The following GLIS3 variants were observed in gnomAD, a reference collection of about 807,000 sequenced individuals.
GLIS3 encodes the protein GLIS family zinc finger 3.
Under a neutral mutation model 78.6 loss-of-function variants are expected in GLIS3, and 53 were observed. That is an observed-to-expected ratio of 0.67 (90% CI 0.54 to 0.85). The LOEUF is 0.85. Among genes scored for constraint, GLIS3 ranks in the 40% least tolerant of loss-of-function variants. The pLI, the probability that GLIS3 is intolerant of heterozygous loss-of-function variation, is 0.00. For synonymous variants in GLIS3, 684 were observed against 509.9 expected, an observed-to-expected ratio of 1.34 and a Z score of -4.60; for missense variants, 1,703 against 1,231.1, an observed-to-expected ratio of 1.38 and a Z score of -5.74.
At chr9:4,297,103 C>G (rs1422067890) in intron 1 of GLIS3, among the ~76,000 whole-genome samples, 2 of 149,334 alleles carry the variant, frequency 1.3e-5, no homozygotes, top group African/African-American at 2.5e-5. Flanking sequence ...TAAACCAACA[C>G]AAGTCGATTT....
intron 4 of GLIS3, among the ~76,000 whole-genome samples, chr9:3,939,222 C>T (rs1826069600): frequency 6.6e-6 from 1 of 152,094 alleles, no homozygotes; most frequent in African/African-American, 2.4e-5. Context: ...TGTTTCAGCA[C>T]CAGGATGAGA....
At chr9:3,890,535 T>G (rs946514598) in intron 7 of GLIS3, among the ~76,000 whole-genome samples, 3 of 152,162 alleles carry the variant, frequency 2.0e-5, no homozygotes, top group African/African-American at 7.2e-5. Context: ...CATGAGCATC[T>G]GCCAATTGCC....
intron 8 of GLIS3, among the ~76,000 whole-genome samples, chr9:3,866,153 T>A (rs1358840712): frequency 1.3e-5 from 2 of 152,220 alleles, no homozygotes; most frequent in African/African-American, 4.8e-5. Flanking sequence ...CAAAATTCCT[T>A]AGGCTTCTCC....
intron 2 of GLIS3, among the ~76,000 whole-genome samples, chr9:4,207,359 C>T (rs1263475115): frequency 6.6e-6 from 1 of 152,136 alleles, no homozygotes; most frequent in Non-Finnish European, 1.5e-5. Context: ...TTCCATTCAG[C>T]CCAAGGCAAA....
chr9:4,130,762 G>A (rs945912083), intron 2 of GLIS3, among the ~76,000 whole-genome samples: 28 of 152,172 alleles, frequency 1.8e-4, no homozygotes, highest in Non-Finnish European at 4.0e-4. Context: ...GTGAAATGTG[G>A]GGTTGGAGCC....
chr9:3,920,225 A>G (rs754041448), intron 6 of GLIS3, among the ~76,000 whole-genome samples: 47 of 152,094 alleles, frequency 3.1e-4, no homozygotes, highest in Non-Finnish European at 3.4e-4. Context: ...GGATGGTCTC[A>G]ATCTCCTGAC....
chr9:4,444,999 T>C, the GLIS3 span, among the ~76,000 whole-genome samples: 2 of 152,240 alleles, frequency 1.3e-5, no homozygotes, highest in Non-Finnish European at 2.9e-5. Context: ...CCCTTGGAGT[T>C]ACATCTCATA....
chr9:4,197,522 C>T (rs1236200973), intron 2 of GLIS3, among the ~76,000 whole-genome samples: 1 of 152,200 alleles, frequency 6.6e-6, no homozygotes, highest in Non-Finnish European at 1.5e-5. Context: ...TTCCCAGCTC[C>T]ATGCCTAGGC....
intron 2 of GLIS3, among the ~76,000 whole-genome samples, chr9:4,211,078 A>G (rs1195144781): frequency 6.6e-6 from 1 of 152,224 alleles, no homozygotes; most frequent in Non-Finnish European, 1.5e-5. Flanking sequence ...GCCCTCAACA[A>G]GGCTAAATTC....
intron 2 of GLIS3, among the ~76,000 whole-genome samples, chr9:4,177,240 G>C (rs146236346): frequency 6.6e-6 from 1 of 152,136 alleles, no homozygotes; most frequent in East Asian, 1.9e-4. Context: ...CCCTTTATGA[G>C]TGGTCTCTTC....
chr9:4,218,120 T>G (rs1821013502), intron 2 of GLIS3, among the ~76,000 whole-genome samples: 1 of 152,248 alleles, frequency 6.6e-6, no homozygotes, highest in African/African-American at 2.4e-5. Flanking sequence ...ACCCAGTTGC[T>G]GCAGCTGAAA....
the GLIS3 span, among the ~76,000 whole-genome samples, chr9:4,405,020 C>T: frequency 1.3e-5 from 2 of 151,972 alleles, no homozygotes; most frequent in Non-Finnish European, 2.9e-5. Flanking sequence ...TGAATAAAAT[C>T]AGAGATGAAA....
intron 4 of GLIS3, among the ~76,000 whole-genome samples, chr9:4,090,127 C>T (rs1829374092): frequency 6.6e-6 from 1 of 152,092 alleles, no homozygotes; most frequent in Non-Finnish European, 1.5e-5. Context: ...AGAAGTGGAT[C>T]CCATCCCTAA....
chr9:4,306,727 A>C (rs1390459079), intron 4 of GLIS3, among the ~76,000 whole-genome samples: 1 of 151,806 alleles, frequency 6.6e-6, no homozygotes, highest in African/African-American at 2.4e-5. Context: ...TGCTGTTATG[A>C]CTCCTACCTT....
rs1824047700 is a variant in GLIS3 at position 4,033,647 on chromosome 9, T to C, written c.1710+84121A>G. Reference sequence around the variant, plus strand: ...AATCCTAGGCTCCACCCTGGACCTATTCAATCAAAATCTCTAGGTGATTCC... The same window carrying C: ...AATCCTAGGCTCCACCCTGGACCTACTCAATCAAAATCTCTAGGTGATTCC... On this transcript the variant is annotated intron_variant, in intron 4 of 10. Transcript: ENST00000381971. Among the ~76,000 whole-genome samples the C allele has an allele frequency of 3.3e-5, 5 of 152,218 alleles. No homozygotes were observed. The South Asian group carries it at 1.0e-3, about 32-fold the overall frequency.
the GLIS3 span, among the ~76,000 whole-genome samples, chr9:4,483,534 A>T: frequency 2.0e-5 from 3 of 152,118 alleles, no homozygotes; most frequent in Admixed American, 2.0e-4. Flanking sequence ...CCTGACCAAC[A>T]TGGTGAAACC....
chr9:3,839,316 TAAAACAAATGG>T (rs1452182828), intron 9 of GLIS3, among the ~76,000 whole-genome samples: 1 of 152,194 alleles, frequency 6.6e-6, no homozygotes. Flanking sequence ...GCCTTTGTAT[TAAAACAAATGG>T]GCAGCAGAAT....
chr9:4,173,068 C>T (rs1048840473), intron 2 of GLIS3, among the ~76,000 whole-genome samples: 7 of 152,128 alleles, frequency 4.6e-5, no homozygotes, highest in Admixed American at 3.9e-4. Flanking sequence ...GGCCACATTC[C>T]ACCCGTGGAG....
chr9:4,396,017 C>G, the GLIS3 span, among the ~76,000 whole-genome samples: 1 of 151,894 alleles, frequency 6.6e-6, no homozygotes, highest in Non-Finnish European at 1.5e-5. Flanking sequence ...CATGATCCAC[C>G]TGCCTCGGCC....
Sources: allele counts gnomAD v4.1 joint callset (sites outside exome capture counted in the v4.1 genomes callset), GRCh38; gene constraint gnomAD v4.1.1; transcripts MANE v1.5; gene names NCBI Gene and HGNC (gene_info 2026-07-23, HGNC 2026-07-21).